HDAC9: variants seen among roughly 807,000 people sequenced by gnomAD.
HDAC9 encodes the protein histone deacetylase 9.
A neutral mutation model predicts 139.4 loss-of-function variants in HDAC9; 41 were observed. The ratio of observed to expected loss-of-function variants is 0.29; its 90% CI spans 0.23 to 0.38. The LOEUF (loss-of-function observed/expected upper bound fraction) is 0.38. Among genes scored for constraint, HDAC9 ranks in the 10% least tolerant of loss-of-function variants. The pLI is 1.00. For synonymous variants in HDAC9, 517 were observed against 476.2 expected (o/e 1.09, Z -1.12); for missense variants, 1,147 against 1,297.0 (o/e 0.88, Z 1.78).
At chr7:18,326,373 A>G (rs1800445660) in intron 1 of HDAC9, among the ~76,000 whole-genome samples, 1 of 152,068 alleles carries the variant, frequency 6.6e-6, no homozygotes, top group Admixed American at 6.6e-5. Context: ...GTTTGGGGCA[A>G]AAATTGTTTG....
chr7:18,943,615 T>A (rs905068506), intron 23 of HDAC9, among the ~76,000 whole-genome samples: 1 of 152,076 alleles, frequency 6.6e-6, no homozygotes, highest in African/African-American at 2.4e-5. Context: ...TTAACCTACA[T>A]TTCTCTAAGC....
intron 21 of HDAC9, among the ~76,000 whole-genome samples, chr7:18,842,823 T>C (rs769976543): frequency 5.9e-5 from 9 of 152,074 alleles, no homozygotes; most frequent in Non-Finnish European, 1.2e-4. Flanking sequence ...CCTGTCTTCC[T>C]AGGGAAACTT....
intron 13 of HDAC9, among the ~76,000 whole-genome samples, chr7:18,745,276 G>C (rs1473098683): frequency 6.6e-6 from 1 of 152,150 alleles, no homozygotes; most frequent in Non-Finnish European, 1.5e-5. Context: ...GTGGAAGTTT[G>C]GGGTTCCAGA....
chr7:18,561,095 C>A (rs538418494), intron 2 of HDAC9, among the ~76,000 whole-genome samples: 27 of 152,190 alleles, frequency 1.8e-4, no homozygotes, highest in Admixed American at 1.8e-3. Context: ...TTTTCTCTCA[C>A]TTTCAAGTGA....
intron 2 of HDAC9, among the ~76,000 whole-genome samples, chr7:18,574,387 T>C (rs561985215): frequency 6.6e-6 from 1 of 152,226 alleles, no homozygotes; most frequent in African/African-American, 2.4e-5. Context: ...AGGGTCGTTA[T>C]GCGCTTCAGA....
At chr7:18,146,113 C>G (rs1454414000) in intron 1 of HDAC9, among the ~76,000 whole-genome samples, 1 of 152,102 alleles carries the variant, frequency 6.6e-6, no homozygotes, top group African/African-American at 2.4e-5. Context: ...AAGAGGGACC[C>G]TATCAAGTAA....
intron 19 of HDAC9, among the ~76,000 whole-genome samples, chr7:18,833,747 T>G (rs373909038): frequency 6.6e-6 from 1 of 152,214 alleles, no homozygotes; most frequent in East Asian, 1.9e-4. Flanking sequence ...TATGATTTCT[T>G]AATTTTGGAT....
chr7:18,161,575 G>A (rs992324251), intron 1 of HDAC9, among the ~76,000 whole-genome samples: 1 of 152,082 alleles, frequency 6.6e-6, no homozygotes, highest in Non-Finnish European at 1.5e-5. Context: ...GTCTAGAAGT[G>A]GAAGTACATT....
chr7:18,320,274 T>G (rs1156935235), intron 1 of HDAC9, among the ~76,000 whole-genome samples: 1 of 152,192 alleles, frequency 6.6e-6, no homozygotes. Flanking sequence ...TCCTGTACTC[T>G]GTGGTTGATT....
intron 1 of HDAC9, among the ~76,000 whole-genome samples, chr7:18,368,249 C>T (rs1216824091): frequency 3.3e-5 from 5 of 151,836 alleles, no homozygotes; most frequent in Non-Finnish European, 7.4e-5. Context: ...TAAAGATATC[C>T]TCCCATATTT....
intron 1 of HDAC9, among the ~76,000 whole-genome samples, chr7:18,443,804 G>A (rs191127744): frequency 2.0e-5 from 3 of 150,776 alleles, no homozygotes; most frequent in Non-Finnish European, 3.0e-5. Context: ...GTGTGTGTGT[G>A]TATATATATA....
chr7:18,515,473 T>A (rs1459039177), intron 2 of HDAC9, among the ~76,000 whole-genome samples: 1 of 152,186 alleles, frequency 6.6e-6, no homozygotes, highest in Non-Finnish European at 1.5e-5. Flanking sequence ...AATCCAGGGC[T>A]AAGCAGCAGC....
chr7:18,701,197 C>A (rs1584871752), intron 12 of HDAC9, among the ~76,000 whole-genome samples: 2 of 148,792 alleles, frequency 1.3e-5, no homozygotes, highest in Non-Finnish European at 3.0e-5. Context: ...TCCTCTTAAG[C>A]AAAACAAAAC....
intron 11 of HDAC9, among the ~76,000 whole-genome samples, chr7:18,655,370 A>T (rs546506639): frequency 1.3e-5 from 2 of 152,280 alleles, no homozygotes; most frequent in East Asian, 1.9e-4. Context: ...TAGATTATTT[A>T]TCTATCTATA....
At chr7:18,314,042 T>TAAGCCA (rs1469682398) in intron 1 of HDAC9, among the ~76,000 whole-genome samples, 8 of 152,324 alleles carry the variant, frequency 5.3e-5, no homozygotes, top group African/African-American at 1.7e-4. Flanking sequence ...GATGGCCAGC[T>TAAGCCA]TCCAAGCAAG....
chr7:18,270,739 C>T (rs536432615), intron 2 of HDAC9, among the ~76,000 whole-genome samples: 13 of 152,164 alleles, frequency 8.5e-5, no homozygotes, highest in Admixed American at 2.6e-4. Flanking sequence ...ATTTTATGTG[C>T]ACCTTCTGAC....
At chr7:18,324,454 A>G (rs759577499) in intron 1 of HDAC9, among the ~76,000 whole-genome samples, 13 of 152,300 alleles carry the variant, frequency 8.5e-5, no homozygotes, top group Non-Finnish European at 1.6e-4. Context: ...TCTTTGGCAT[A>G]TTGTAGGTAC....
chr7:18,421,994 A>G lies in HDAC9; in HGVS notation c.-41-74268A>G, dbSNP rs184678916. On this transcript the variant is annotated intron_variant, in intron 1 of 3. Coordinates refer to the HDAC9 transcript ENST00000413509. Reference sequence around the variant, plus strand: ...TGCCATTGTGTGTCTGTTGGAATCTATTTTTAGGAGCCACTGCATATCCTT... The same window carrying G: ...TGCCATTGTGTGTCTGTTGGAATCTGTTTTTAGGAGCCACTGCATATCCTT... Among the ~76,000 whole-genome samples, 100 of 152,262 alleles carry G rather than the reference A, an allele frequency of 6.6e-4. 1 individual carries two copies. The highest frequency in any genetic ancestry group is 2.4e-3 in the African/African-American group (99 of 41,550).
At chr7:18,375,733 G>T (rs1784948456) in intron 1 of HDAC9, among the ~76,000 whole-genome samples, 1 of 152,098 alleles carries the variant, frequency 6.6e-6, no homozygotes, top group Admixed American at 6.5e-5. Context: ...CTGCCCCTAG[G>T]GCTCTGAGGT....
Sources: gnomAD v4.1 joint callset for allele counts (sites outside exome capture counted in the v4.1 genomes callset) on GRCh38, gnomAD v4.1.1 for gene constraint, MANE v1.5 for transcripts, NCBI Gene and HGNC (gene_info 2026-07-23, HGNC 2026-07-21) for gene names.